PNOC: variants seen among roughly 807,000 people sequenced by gnomAD.
PNOC encodes nociceptin.
In PNOC, 10 loss-of-function variants were observed where a neutral mutation model predicts 15.6. The ratio of observed to expected loss-of-function variants is 0.64; its 90% CI spans 0.40 to 1.09. PNOC has a LOEUF of 1.09. PNOC is among the 50% of genes least tolerant of loss of function. The pLI, the probability that PNOC is intolerant of heterozygous loss-of-function variation, is 0.01. For missense variants in PNOC, 220 were observed against 223.9 expected (o/e 0.98, Z 0.11); for synonymous variants, 98 against 88.5 (o/e 1.11, Z -0.60).
At chr8:28,319,745 T>C (rs1302593697) in intron 1 of PNOC, among the ~76,000 whole-genome samples, 2 of 152,108 alleles carry the variant, frequency 1.3e-5, no homozygotes, top group Non-Finnish European at 2.9e-5. Flanking sequence ...AGCTTTGAAA[T>C]ATCTTGCATT....
chr8:28,336,965 G>A (rs1801421454), intron 2 of PNOC, among the ~76,000 whole-genome samples: 1 of 151,806 alleles, frequency 6.6e-6, no homozygotes, highest in Non-Finnish European at 1.5e-5. Flanking sequence ...CCAAGCAGAA[G>A]GACAAATATA....
Position 28,339,242 on chromosome 8 carries a change from A to G in PNOC, c.329A>G (p.Glu110Gly). 6.2e-7 allele frequency: 1 copy of G among 1,610,308 alleles called. No homozygotes were observed. Among genetic ancestry groups the G allele is most frequent in the South Asian group, 1.1e-5 (1 of 90,988 alleles). The stretch of plus-strand genomic sequence containing the variant: ...CGGAGCTTGTTCCAGGAGCAGGAAG[A>G]GCCCGAGCCTGGCATGGAGGAGGCT... ...RVRSLFQEQE[E>G]PEPGMEEAGE... is the part of the protein sequence containing the mutation. Residue 110 changes from glutamate to glycine, a missense_variant, in exon 3 of 4, where the codon GAG becomes GGG. Glu to Gly is a moderately conservative substitution (Grantham distance 98). Transcript: ENST00000301908.
rs1167279285 is a variant in PNOC, at chr8:28,324,265, GGCAA to G, written c.-23-4866_-23-4863del. ...CTTAAATCCCATTTACCCAGATTTT[GGCAA>G]GCATCAGTCAAACCAGCCAACATTT... is the stretch of plus-strand genomic sequence containing the variant. On this transcript the variant is annotated intron_variant, in intron 1 of 3. Coordinates refer to ENST00000301908, the MANE Select transcript of PNOC (RefSeq NM_006228.5). 2.6e-5 allele frequency among the ~76,000 whole-genome samples: 4 copies of G among 152,148 alleles called. 1 individual carries two copies. Among genetic ancestry groups the G allele is most frequent in the Non-Finnish European group, 5.9e-5 (4 of 68,034 alleles).
chr8:28,337,069 G>T (rs1372478433), intron 2 of PNOC, among the ~76,000 whole-genome samples: 3 of 152,142 alleles, frequency 2.0e-5, no homozygotes, highest in Admixed American at 2.0e-4. Flanking sequence ...GAGTGAGAAG[G>T]GAACAGCCCA....
chr8:28,320,829 T>A (rs1321030043), intron 1 of PNOC, among the ~76,000 whole-genome samples: 2 of 137,848 alleles, frequency 1.5e-5, no homozygotes, highest in Non-Finnish European at 3.0e-5. Flanking sequence ...CCTGCCTGGG[T>A]GACAGAGCGA....
intron 1 of PNOC, among the ~76,000 whole-genome samples, chr8:28,325,672 G>GAA (rs558412916): frequency 1.8e-3 from 166 of 94,490 alleles, no homozygotes; most frequent in Non-Finnish European, 3.3e-3. Flanking sequence ...AAAAGAAAAA[G>GAA]AAAAAAAAAA....
chr8:28,323,066 T>C (rs572758131), intron 1 of PNOC, among the ~76,000 whole-genome samples: 4 of 152,348 alleles, frequency 2.6e-5, no homozygotes, highest in Admixed American at 1.3e-4. Context: ...GGACTTCGAA[T>C]AGGTCATAAG....
At chr8:28,332,904 T>C (rs540027664) in intron 2 of PNOC, among the ~76,000 whole-genome samples, 4 of 152,340 alleles carry the variant, frequency 2.6e-5, no homozygotes, top group African/African-American at 9.6e-5. Context: ...TGAGCTGAGA[T>C]CATGCTACTG....
intron 1 of PNOC, among the ~76,000 whole-genome samples, chr8:28,321,526 C>A (rs1025488942): frequency 6.6e-6 from 1 of 152,080 alleles, no homozygotes; most frequent in African/African-American, 2.4e-5. Context: ...CCCCATAAAG[C>A]CTTCATCTCC....
intron 1 of PNOC, among the ~76,000 whole-genome samples, chr8:28,328,131 A>G (rs1801257631): frequency 7.3e-6 from 1 of 137,098 alleles, no homozygotes; most frequent in African/African-American, 2.8e-5. Flanking sequence ...GCAATGGCAC[A>G]ATCTCGGCTC....
At chr8:28,333,868 C>T (rs1001259058) in intron 2 of PNOC, among the ~76,000 whole-genome samples, 2 of 152,220 alleles carry the variant, frequency 1.3e-5, no homozygotes, top group East Asian at 1.9e-4. Flanking sequence ...AGCTCCCCCA[C>T]TCTACCCTTC....
intron 3 of PNOC, among the ~76,000 whole-genome samples, chr8:28,340,399 A>C (rs747534180): frequency 6.6e-6 from 1 of 152,198 alleles, no homozygotes; most frequent in African/African-American, 2.4e-5. Flanking sequence ...TTGCCTGTTC[A>C]TTCAAAACCC....
At chr8:28,333,828 T>C (rs906304022) in intron 2 of PNOC, among the ~76,000 whole-genome samples, 6 of 152,100 alleles carry the variant, frequency 3.9e-5, no homozygotes, top group African/African-American at 1.4e-4. Context: ...TCTGCAAGGA[T>C]TGGGCCAAGC....
In PNOC at chr8:28,339,081, C is replaced by G; in HGVS notation, c.168C>G (p.Pro56=). The G allele has an allele frequency of 1.2e-6, 2 of 1,600,556 alleles. No homozygotes were observed. The highest frequency in any genetic ancestry group is 1.7e-6 in the Non-Finnish European group (2 of 1,168,668). Residue 56 remains proline (P), a synonymous_variant, in exon 3 of 4, where the codon CCC becomes CCG. Transcript: ENST00000301908. ...LECEEKVFPS[P]LWTPCTKVMA... ...GTGAAGAGAAGGTCTTCCCCAGCCC[C>G]CTCTGGACTCCATGCACCAAGGTCA...
At chr8:28,335,026 G>A (rs982431301) in intron 2 of PNOC, among the ~76,000 whole-genome samples, 2 of 152,292 alleles carry the variant, frequency 1.3e-5, no homozygotes, top group Middle Eastern at 3.4e-3. Flanking sequence ...AAAAACCACG[G>A]CGTGAGCATC....
At chr8:28,341,834 T>C (rs1035716973) in intron 3 of PNOC, among the ~76,000 whole-genome samples, 3 of 152,202 alleles carry the variant, frequency 2.0e-5, no homozygotes, top group Admixed American at 2.0e-4. Context: ...AGTTGGTGAG[T>C]TCCAATATGG....
intron 2 of PNOC, among the ~76,000 whole-genome samples, chr8:28,330,833 C>T (rs543412806): frequency 9.9e-4 from 151 of 152,206 alleles, no homozygotes; most frequent in Non-Finnish European, 1.8e-3. Context: ...AAATAAACTG[C>T]TTTGTCAACT....
intron 3 of PNOC, among the ~76,000 whole-genome samples, chr8:28,340,923 C>A (rs1801507820): frequency 6.6e-6 from 1 of 152,228 alleles, no homozygotes. Context: ...CCACCTCCAA[C>A]ATTAGGGATC....
chr8:28,339,747 C>A, intron 3 of PNOC: 1 of 261,520 alleles, frequency 3.8e-6, no homozygotes, highest in Non-Finnish European at 7.2e-6. Context: ...ACTAATTCCT[C>A]TATCACTCCC....
Sources: allele counts gnomAD v4.1 joint callset (sites outside exome capture counted in the v4.1 genomes callset), GRCh38; gene constraint gnomAD v4.1.1; transcripts MANE v1.5; gene names NCBI Gene and HGNC (gene_info 2026-07-23, HGNC 2026-07-21).